The following INPP4B variants were observed in gnomAD, a reference collection of about 807,000 sequenced individuals.
INPP4B encodes inositol polyphosphate-4-phosphatase type II B.
Under a neutral mutation model 122.5 loss-of-function variants are expected in INPP4B, and 55 were observed. The ratio of observed to expected loss-of-function variants is 0.45; its 90% confidence interval spans 0.36 to 0.56. The LOEUF is 0.56. Ranked by LOEUF, INPP4B falls within the 20% of genes least tolerant of loss-of-function variation. The pLI is 0.00. For missense variants in INPP4B, 1,000 were observed against 1,097.7 expected, an observed-to-expected ratio of 0.91 and a Z score of 1.26; for synonymous variants, 403 against 388.7, an observed-to-expected ratio of 1.04 and a Z score of -0.43.
chr4:142,057,872 C>T (rs1452444250), intron 25 of INPP4B, among the ~76,000 whole-genome samples: 2 of 152,094 alleles, frequency 1.3e-5, no homozygotes, highest in South Asian at 2.1e-4. Flanking sequence ...TTCCTTAAGA[C>T]CCAACTCAAA....
intron 2 of INPP4B, among the ~76,000 whole-genome samples, chr4:142,473,087 T>A (rs188629526): frequency 7.1e-4 from 108 of 152,344 alleles, no homozygotes; most frequent in Non-Finnish European, 1.3e-3. Context: ...AAAGATTAGA[T>A]CCCTTAGGAC....
intron 5 of INPP4B, among the ~76,000 whole-genome samples, chr4:142,419,764 T>A (rs1478426386): frequency 1.3e-5 from 2 of 152,114 alleles, no homozygotes; most frequent in Non-Finnish European, 2.9e-5. Flanking sequence ...CATGGCGTGG[T>A]CCCCAAGTGA....
At chr4:142,592,811 C>A (rs1381710623) in intron 2 of INPP4B, among the ~76,000 whole-genome samples, 1 of 152,022 alleles carries the variant, frequency 6.6e-6, no homozygotes, top group African/African-American at 2.4e-5. Context: ...GGATCAAAGA[C>A]CGTCATAGGC....
intron 1 of INPP4B, among the ~76,000 whole-genome samples, chr4:142,791,164 G>A (rs1044423815): frequency 6.6e-6 from 1 of 152,108 alleles, no homozygotes; most frequent in African/African-American, 2.4e-5. Context: ...GCAATGATCT[G>A]ACTAAAATCA....
At chr4:142,084,088 C>G (rs1042522312) in intron 24 of INPP4B, among the ~76,000 whole-genome samples, 9 of 152,026 alleles carry the variant, frequency 5.9e-5, no homozygotes, top group Non-Finnish European at 8.8e-5. Flanking sequence ...ACTATTTAAA[C>G]TTAAAGAAGA....
At chr4:142,704,381 T>C (rs1762209760) in intron 2 of INPP4B, among the ~76,000 whole-genome samples, 1 of 152,212 alleles carries the variant, frequency 6.6e-6, no homozygotes, top group African/African-American at 2.4e-5. Flanking sequence ...CAATGACATA[T>C]GAATTACATA....
At chr4:142,598,953 C>G (rs1739289991) in intron 2 of INPP4B, among the ~76,000 whole-genome samples, 1 of 152,170 alleles carries the variant, frequency 6.6e-6, no homozygotes, top group East Asian at 1.9e-4. Context: ...GGCCTCCATG[C>G]TCAGGCTTGC....
chr4:142,083,779 C>T (rs1775345328), intron 24 of INPP4B, among the ~76,000 whole-genome samples: 1 of 151,942 alleles, frequency 6.6e-6, no homozygotes, highest in South Asian at 2.1e-4. Flanking sequence ...AATTCTAATC[C>T]TTTCAAATAA....
At chr4:142,421,125 G>C (rs1217235422) in intron 5 of INPP4B, among the ~76,000 whole-genome samples, 1 of 152,096 alleles carries the variant, frequency 6.6e-6, no homozygotes, top group Non-Finnish European at 1.5e-5. Flanking sequence ...CATACTCCTA[G>C]TTCTTAGTTG....
At chr4:142,625,867 A>T (rs1213712121) in intron 2 of INPP4B, among the ~76,000 whole-genome samples, 1 of 152,180 alleles carries the variant, frequency 6.6e-6, no homozygotes, top group Non-Finnish European at 1.5e-5. Context: ...AACCTGACAA[A>T]AACAAGAAAT....
intron 2 of INPP4B, among the ~76,000 whole-genome samples, chr4:142,612,961 A>C (rs538975141): frequency 6.6e-6 from 1 of 152,304 alleles, no homozygotes; most frequent in Non-Finnish European, 1.5e-5. Flanking sequence ...TGGCCCCTAT[A>C]TGCAATCAGA....
At chr4:142,522,115 CT>C (rs1182113501) in intron 2 of INPP4B, among the ~76,000 whole-genome samples, 2 of 151,976 alleles carry the variant, frequency 1.3e-5, no homozygotes, top group African/African-American at 4.8e-5. Context: ...ATATTGCCAA[CT>C]TTTTTTCTTT....
intron 2 of INPP4B, among the ~76,000 whole-genome samples, chr4:142,701,411 C>T (rs192373882): frequency 1.6e-4 from 24 of 150,738 alleles, no homozygotes; most frequent in Non-Finnish European, 2.8e-4. Flanking sequence ...CCAATCAGGT[C>T]AAGGGCAGCC....
intron 2 of INPP4B, among the ~76,000 whole-genome samples, chr4:142,610,629 T>G (rs147278872): frequency 6.6e-6 from 1 of 152,194 alleles, no homozygotes; most frequent in South Asian, 2.1e-4. Flanking sequence ...TACTCCTAAT[T>G]AGTTGTGTGG....
At chr4:142,509,517 G>C (rs1289310806) in intron 2 of INPP4B, among the ~76,000 whole-genome samples, 1 of 152,024 alleles carries the variant, frequency 6.6e-6, no homozygotes, top group Non-Finnish European at 1.5e-5. Context: ...TGAGAATGAC[G>C]GTTTCCAGCT....
At chr4:142,443,130 C>T (rs541913068) in intron 3 of INPP4B, among the ~76,000 whole-genome samples, 1 of 152,216 alleles carries the variant, frequency 6.6e-6, no homozygotes, top group Non-Finnish European at 1.5e-5. Context: ...TATCAGACCT[C>T]AAAAAACCTG....
At chr4:142,842,720 AAT>A (rs1783676456) in intron 1 of INPP4B, among the ~76,000 whole-genome samples, 1 of 131,972 alleles carries the variant, frequency 7.6e-6, no homozygotes, top group Non-Finnish European at 1.6e-5. Context: ...ATAATATATT[AAT>A]ATATTATAAT....
intron 7 of INPP4B, among the ~76,000 whole-genome samples, chr4:142,331,202 C>T (rs571085453): frequency 6.6e-6 from 1 of 152,180 alleles, no homozygotes; most frequent in Middle Eastern, 3.4e-3. Context: ...AGGAAGCTAC[C>T]ATTCATAGTG....
intron 25 of INPP4B, among the ~76,000 whole-genome samples, chr4:142,035,928 T>C (rs1361742733): frequency 6.6e-6 from 1 of 152,054 alleles, no homozygotes; most frequent in Non-Finnish European, 1.5e-5. Context: ...TAGTTCTTTT[T>C]TTTAAAATCT....
Sources: allele counts gnomAD v4.1 joint callset (sites outside exome capture counted in the v4.1 genomes callset), GRCh38; gene constraint gnomAD v4.1.1; transcripts MANE v1.5; gene names NCBI Gene and HGNC (gene_info 2026-07-23, HGNC 2026-07-21).